The following TTLL5 variants were observed in gnomAD, a reference collection of about 807,000 sequenced individuals.
The protein encoded by TTLL5 is tubulin tyrosine ligase like 5.
TTLL5 carries 132 observed loss-of-function variants against 168.4 expected under a neutral mutation model. That is an observed-to-expected ratio of 0.78 (90% CI 0.68 to 0.91). TTLL5 has a LOEUF of 0.91. Ranked by LOEUF, TTLL5 falls within the 40% of genes least tolerant of loss-of-function variation. The pLI, the probability that TTLL5 is intolerant of heterozygous loss-of-function variation, is 0.00. For missense variants in TTLL5, 1,545 were observed against 1,581.5 expected (o/e 0.98, Z 0.39); for synonymous variants, 546 against 558.6 (o/e 0.98, Z 0.32).
At chr14:75,708,286 GT>G (rs372413574) in intron 9 of TTLL5, among the ~76,000 whole-genome samples, 105 of 141,896 alleles carry the variant, frequency 7.4e-4, no homozygotes, top group South Asian at 1.4e-3. Context: ...TTAATTGAGG[GT>G]TTTTTTTTTT....
At chr14:75,817,077 T>A (rs747823861) in intron 27 of TTLL5, among the ~76,000 whole-genome samples, 4 of 149,804 alleles carry the variant, frequency 2.7e-5, no homozygotes, top group Non-Finnish European at 4.4e-5. Context: ...ACTTCTGGGT[T>A]CAAGCAATTC....
In TTLL5 at chr14:75,771,861, C is replaced by G. The variant is rs781673837; in HGVS notation, c.2136+7C>G. ...CAAAGAGGATGAACAGATGGTAAGG[C>G]TTTTCTTACTGAAACCTTTTTACTT... On this transcript the variant is annotated splice_region_variant and intron_variant, in intron 21 of 31. Transcript: ENST00000298832. 7.5e-6 allele frequency: 12 copies of G among 1,604,394 alleles called. No individual in the cohort carries two copies. The highest frequency in any genetic ancestry group is 1.3e-5 in the African/African-American group (1 of 74,316).
intron 29 of TTLL5, among the ~76,000 whole-genome samples, chr14:75,865,519 C>T (rs2030447448): frequency 6.6e-6 from 1 of 151,858 alleles, no homozygotes. Flanking sequence ...ACCCCTGAGC[C>T]TAAAATACAA....
chr14:75,673,318 G>A (rs1883887441), intron 3 of TTLL5, among the ~76,000 whole-genome samples: 1 of 152,084 alleles, frequency 6.6e-6, no homozygotes, highest in Admixed American at 6.5e-5. Flanking sequence ...TGCATTGTTT[G>A]TATTTTATCA....
In TTLL5 at chr14:75,898,008, G is replaced by A. The variant is rs550210067; in HGVS notation, c.3741-4134G>A. On this transcript the variant is annotated intron_variant, in intron 30 of 31. Coordinates refer to ENST00000298832, the MANE Select transcript of TTLL5 (RefSeq NM_015072.5). ...ACTTTTGTGTAGTGTAAAGTTAATG[G>A]CACCTTTTGTCCCATCTTTTCAGTA... 5.3e-5 allele frequency among the ~76,000 whole-genome samples: 8 copies of A among 152,120 alleles called. No individual in the cohort carries two copies. The South Asian group carries it at 1.7e-3, about 32-fold the overall frequency.
At chr14:75,706,478 T>C (rs1325110146) in intron 7 of TTLL5, among the ~76,000 whole-genome samples, 4 of 152,222 alleles carry the variant, frequency 2.6e-5, no homozygotes, top group African/African-American at 9.6e-5. Flanking sequence ...CCTTATTCAC[T>C]CTTTGCATAC....
chr14:75,782,520 T>C lies in TTLL5; in HGVS notation c.2549T>C (p.Ile850Thr), dbSNP rs140537983. Residue 850 changes from isoleucine (I) to threonine (T), a missense_variant, in exon 25 of 32, where the codon ATA (isoleucine) becomes ACA (threonine). By Grantham distance (89) the Ile-to-Thr change is moderately conservative (BLOSUM62 -1). Transcript: ENST00000298832. ...GAGACTATAATGGAAGAAGTGAAAA[T>C]AAAGCCACCTAAACAGCAACAGACG... The part of the protein sequence containing the change: ...HPETIMEEVK[I>T]KPPKQQQTTE... 3.1e-6 allele frequency: 5 copies of C among 1,613,798 alleles called. No individual in the cohort carries two copies. In the African/African-American group the frequency reaches 5.3e-5, roughly 17 times the overall value.
At chr14:75,682,189 CAA>C (rs536041762) in intron 4 of TTLL5, among the ~76,000 whole-genome samples, 4 of 57,072 alleles carry the variant, frequency 7.0e-5, no homozygotes, top group African/African-American at 6.6e-5. Context: ...GACTCCGTCT[CAA>C]AAAAAAAAAA....
At chr14:75,731,253 A>T (rs571464556) in intron 12 of TTLL5, among the ~76,000 whole-genome samples, 6 of 152,228 alleles carry the variant, frequency 3.9e-5, no homozygotes, top group Non-Finnish European at 8.8e-5. Context: ...TAAGGAAGGT[A>T]GTGTGGTAGT....
intron 17 of TTLL5, among the ~76,000 whole-genome samples, chr14:75,746,994 C>A (rs892673645): frequency 2.6e-5 from 4 of 152,090 alleles, no homozygotes; most frequent in African/African-American, 9.7e-5. Flanking sequence ...AACCTTTTGG[C>A]CTTTATTTCT....
At chr14:75,897,173 A>G (rs2032703397) in intron 30 of TTLL5, among the ~76,000 whole-genome samples, 1 of 40,316 alleles carries the variant, frequency 2.5e-5, no homozygotes, top group African/African-American at 1.2e-4. Context: ...GTGCTTTCTC[A>G]GACCTCAGAA....
Position 75,669,501 on chromosome 14 carries a change from A to G in TTLL5, c.160A>G (p.Asn54Asp). ...FHADAILTKD[N>D]NIRVIGERYH... ...TGCCGACGCTATTCTTACAAAGGAC[A>G]ACAATATTAGAGTAATTGGAGGTGC... is the stretch of plus-strand genomic sequence containing the variant. The change falls in exon 3 of 32, where the codon AAC becomes GAC. Residue 54 changes from asparagine to aspartate, a missense_variant. Coordinates refer to ENST00000298832, the MANE Select transcript of TTLL5 (RefSeq NM_015072.5). 6.2e-7 allele frequency: 1 copy of G among 1,614,092 alleles called. No homozygotes were observed.
chr14:75,851,486 A>G (rs1896851824), intron 28 of TTLL5, among the ~76,000 whole-genome samples: 1 of 152,322 alleles, frequency 6.6e-6, no homozygotes, highest in Non-Finnish European at 1.5e-5. Flanking sequence ...AATCTTTCTC[A>G]TTCGTCAGTG....
At chr14:75,674,710 G>T (rs1001368241) in intron 3 of TTLL5, among the ~76,000 whole-genome samples, 1 of 151,920 alleles carries the variant, frequency 6.6e-6, no homozygotes, top group African/African-American at 2.4e-5. Context: ...TCTGTAATTT[G>T]TCCCTGAATG....
chr14:75,719,408 T>A (rs1887699391), intron 10 of TTLL5, among the ~76,000 whole-genome samples: 1 of 152,252 alleles, frequency 6.6e-6, no homozygotes, highest in South Asian at 2.1e-4. Context: ...TTTAACTTGT[T>A]GTAACCATTC....
intron 31 of TTLL5, among the ~76,000 whole-genome samples, chr14:75,945,320 G>A (rs1056985567): frequency 2.6e-5 from 4 of 151,226 alleles, no homozygotes; most frequent in East Asian, 3.9e-4. Context: ...ACAGTGGCAC[G>A]ATCTTGGCTC....
intron 3 of TTLL5, among the ~76,000 whole-genome samples, chr14:75,677,184 T>C (rs1435308139): frequency 2.0e-5 from 3 of 152,182 alleles, no homozygotes; most frequent in Non-Finnish European, 4.4e-5. Context: ...TGTAGAATAA[T>C]TGTTTCATAG....
intron 28 of TTLL5, among the ~76,000 whole-genome samples, chr14:75,860,093 A>C (rs1468484593): frequency 1.3e-5 from 2 of 152,238 alleles, no homozygotes; most frequent in Non-Finnish European, 2.9e-5. Flanking sequence ...AGGAGATTAA[A>C]AACAGATTTC....
chr14:75,821,854 T>C (rs1291872062), intron 28 of TTLL5, among the ~76,000 whole-genome samples: 1 of 152,170 alleles, frequency 6.6e-6, no homozygotes, highest in East Asian at 1.9e-4. Flanking sequence ...CAAAGTCCCC[T>C]GGTCTTTTCC....
Sources: allele counts gnomAD v4.1 joint callset (sites outside exome capture counted in the v4.1 genomes callset), GRCh38; gene constraint gnomAD v4.1.1; transcripts MANE v1.5; gene names NCBI Gene and HGNC (gene_info 2026-07-23, HGNC 2026-07-21).